The following NXPE1 variants were observed in gnomAD, a reference collection of about 807,000 sequenced individuals.
NXPE1 encodes NXPE family member 1.
NXPE1 carries 31 observed loss-of-function variants against 33.3 expected under a neutral mutation model. The ratio of observed to expected loss-of-function variants is 0.93; its 90% CI spans 0.70 to 1.26. The LOEUF (loss-of-function observed/expected upper bound fraction) is 1.26. NXPE1 is among the 50% of genes most tolerant of loss of function. NXPE1 has a pLI of 0.00. For synonymous variants in NXPE1, 229 were observed against 231.4 expected, an observed-to-expected ratio of 0.99 and a Z score of 0.09; for missense variants, 661 against 655.6, an observed-to-expected ratio of 1.01 and a Z score of -0.09.
At chr11:114,529,764 A>G (rs1947506139) in intron 6 of NXPE1, 2 of 172,022 alleles carry the variant, frequency 1.2e-5, no homozygotes, top group Admixed American at 1.1e-4. Flanking sequence ...GGAAGCTGGT[A>G]TGGGTAATCT....
At chr11:114,540,021 C>A (rs1026798617) in intron 5 of NXPE1, among the ~76,000 whole-genome samples, 4 of 152,192 alleles carry the variant, frequency 2.6e-5, no homozygotes, top group Admixed American at 1.3e-4. Context: ...CTTATGACCT[C>A]ACATCAGTAA....
At chr11:114,523,172 G>T in intron 7 of NXPE1, 81 bp from the exon 8 acceptor site, 1 of 1,010,252 alleles carries the variant, frequency 9.9e-7, no homozygotes, top group Non-Finnish European at 1.5e-6. Flanking sequence ...TCATTTTCTT[G>T]CTCTCTTTCC....
At chr11:114,532,452 T>A (rs564595207) in intron 5 of NXPE1, among the ~76,000 whole-genome samples, 1 of 152,222 alleles carries the variant, frequency 6.6e-6, no homozygotes, top group African/African-American at 2.4e-5. Flanking sequence ...AATCATGTAA[T>A]ATATAACAGT....
intron 7 of NXPE1, 61 bp downstream of exon 7, chr11:114,527,779 A>T: frequency 9.1e-7 from 1 of 1,099,790 alleles, no homozygotes; most frequent in Non-Finnish European, 1.3e-6. Flanking sequence ...ACAATTATTT[A>T]GGTTAATGCT....
chr11:114,529,113 A>G, intron 6 of NXPE1: 1 of 298,772 alleles, frequency 3.3e-6, no homozygotes, highest in Non-Finnish European at 6.1e-6. Flanking sequence ...AAAGACTCTA[A>G]ACTTGACTTT....
chr11:114,530,269 G>T, exon 6 of NXPE1: 1 of 1,614,154 alleles, frequency 6.2e-7, no homozygotes, highest in Non-Finnish European at 8.5e-7. Context: ...ATGTGTTGAG[G>T]CTTCATACAA....
At chr11:114,557,502 G>A (rs1948678796) in intron 1 of NXPE1, among the ~76,000 whole-genome samples, 1 of 151,066 alleles carries the variant, frequency 6.6e-6, no homozygotes, top group Non-Finnish European at 1.5e-5. Flanking sequence ...TGCTGCCTAG[G>A]TTGGACTGGA....
chr11:114,545,401 T>C (rs1331630165), intron 5 of NXPE1, among the ~76,000 whole-genome samples: 1 of 152,150 alleles, frequency 6.6e-6, no homozygotes, highest in Middle Eastern at 3.2e-3. Flanking sequence ...AAATGAGCTA[T>C]CAATCCATGC....
intron 5 of NXPE1, among the ~76,000 whole-genome samples, chr11:114,543,971 A>G (rs1183170725): frequency 2.0e-5 from 3 of 152,196 alleles, no homozygotes; most frequent in East Asian, 1.9e-4. Context: ...TACAAAAAAG[A>G]AAACCATTTA....
intron 6 of NXPE1, chr11:114,528,931 A>G: frequency 2.0e-6 from 1 of 496,904 alleles, no homozygotes; most frequent in Non-Finnish European, 3.7e-6. Flanking sequence ...GTACCATCAG[A>G]GATAAAAGGG....
chr11:114,535,876 G>C (rs1279087813), intron 5 of NXPE1, among the ~76,000 whole-genome samples: 1 of 152,112 alleles, frequency 6.6e-6, no homozygotes, highest in Non-Finnish European at 1.5e-5. Context: ...AGATCAACGA[G>C]ACAGAAAGTT....
chr11:114,544,181 T>C (rs1253040353), intron 5 of NXPE1, among the ~76,000 whole-genome samples: 1 of 152,190 alleles, frequency 6.6e-6, no homozygotes, highest in African/African-American at 2.4e-5. Flanking sequence ...ATTGATTCAA[T>C]ACCATTTCAA....
intron 1 of NXPE1, among the ~76,000 whole-genome samples, chr11:114,557,634 CATATATATATATATAT>C (rs4019608): frequency 0.059 from 7,591 of 128,412 alleles, 309 homozygotes; most frequent in African/African-American, 0.097. Context: ...ATATATAATA[CATATATATATATATAT>C]ATATATATAT....
exon 5 of NXPE1, chr11:114,551,173 G>C (rs78257939): frequency 2.0e-6 from 3 of 1,534,786 alleles, no homozygotes; most frequent in Admixed American, 3.9e-5. Flanking sequence ...GATCAGCAGC[G>C]TTTTTTGAAG....
chr11:114,542,511 G>A (rs1463987473), intron 5 of NXPE1, among the ~76,000 whole-genome samples: 1 of 152,128 alleles, frequency 6.6e-6, no homozygotes, highest in Non-Finnish European at 1.5e-5. Flanking sequence ...AGAATAGTAT[G>A]CAATGGTTGT....
intron 1 of NXPE1, among the ~76,000 whole-genome samples, 166 bp downstream of exon 1, chr11:114,559,632 C>T (rs1948733070): frequency 1.3e-5 from 2 of 152,030 alleles, no homozygotes; most frequent in South Asian, 4.2e-4. Context: ...GTTTCCCACA[C>T]TTTCTTCTGA....
chr11:114,550,596 A>G (rs1948446425), intron 5 of NXPE1, among the ~76,000 whole-genome samples: 1 of 152,198 alleles, frequency 6.6e-6, no homozygotes, highest in African/African-American at 2.4e-5. Flanking sequence ...ATATTTATAG[A>G]CAATGTAACT....
chr11:114,547,972 G>A (rs1182385451), intron 5 of NXPE1, among the ~76,000 whole-genome samples: 1 of 151,716 alleles, frequency 6.6e-6, no homozygotes, highest in Non-Finnish European at 1.5e-5. Flanking sequence ...CTAACCTAAA[G>A]TAAAAAGTTT....
At chr11:114,553,781 C>T (rs1229616202) in intron 1 of NXPE1, 1 of 984,682 alleles carries the variant, frequency 1.0e-6, no homozygotes, top group Non-Finnish European at 1.2e-6. Flanking sequence ...GAGCTGAACC[C>T]AGCCTTTGCT....
Sources: allele counts gnomAD v4.1 joint callset (sites outside exome capture counted in the v4.1 genomes callset), GRCh38; gene constraint gnomAD v4.1.1; transcripts MANE v1.5; gene names NCBI Gene and HGNC (gene_info 2026-07-23, HGNC 2026-07-21).